Variants in AASDHPPT observed in about 807,000 individuals in gnomAD.
AASDHPPT encodes the protein L-aminoadipate-semialdehyde dehydrogenase-phosphopantetheinyl transferase.
In AASDHPPT, 23 loss-of-function variants were observed where a neutral mutation model predicts 36.4. The ratio of observed to expected loss-of-function variants is 0.63; its 90% confidence interval spans 0.45 to 0.89. The LOEUF (loss-of-function observed/expected upper bound fraction) is 0.89, where lower values mean the gene tolerates loss of function less well. AASDHPPT is among the 40% of genes least tolerant of loss of function. AASDHPPT has a pLI of 0.00. For synonymous variants in AASDHPPT, 115 were observed against 128.0 expected, an observed-to-expected ratio of 0.90 and a Z score of 0.68; for missense variants, 377 against 378.2, an observed-to-expected ratio of 1.00 and a Z score of 0.03.
chr11:106,094,377 A>C (rs983334835), intron 4 of AASDHPPT: 14 of 379,028 alleles, frequency 3.7e-5, no homozygotes, highest in African/African-American at 2.3e-4. Context: ...ATACATGTTG[A>C]AGTATTTAAG....
At chr11:106,079,417 G>C in intron 1 of AASDHPPT, 50 bp from the exon 2 acceptor site, 2 of 1,456,794 alleles carry the variant, frequency 1.4e-6, no homozygotes, top group Non-Finnish European at 1.9e-6. Context: ...CAGTGTGCTT[G>C]TATCTTTAGT....
rs1861187935 is a variant in AASDHPPT at position 106,085,365 on chromosome 11, TG to T, written c.410-5191del. Among the ~76,000 whole-genome samples, 2 of 152,198 alleles carry T rather than the reference TG, an allele frequency of 1.3e-5. 1 individual carries two copies. The highest frequency in any genetic ancestry group is 4.1e-4 in the South Asian group (2 of 4,832). On this transcript the variant is annotated intron_variant, in intron 2 of 5. Transcript: ENST00000278618. ...ATCTACCCGCCTCGGCCTCCCAAAG[TG>T]CTGGGATTACAGGCGTGAGCCACTG...
chr11:106,090,994 A>G (rs1861250161), intron 3 of AASDHPPT, among the ~76,000 whole-genome samples: 1 of 152,136 alleles, frequency 6.6e-6, no homozygotes, highest in East Asian at 1.9e-4. Context: ...AAACACTGAT[A>G]ATATATACTA....
intron 5 of AASDHPPT, among the ~76,000 whole-genome samples, chr11:106,096,131 A>C (rs1355428256): frequency 6.6e-6 from 1 of 152,174 alleles, no homozygotes; most frequent in Admixed American, 6.5e-5. Flanking sequence ...GAGACCAGTC[A>C]TATAAGTACT....
At chr11:106,090,529 A>G (rs1861244611) in intron 2 of AASDHPPT, 28 bp from the exon 3 acceptor site, 12 of 1,538,904 alleles carry the variant, frequency 7.8e-6, no homozygotes, top group Non-Finnish European at 1.0e-5. Context: ...TAGAACTGCT[A>G]TTTAATTTTT....
chr11:106,096,964 G>A lies in AASDHPPT; in HGVS notation c.*57G>A. On this transcript the variant is annotated 3_prime_UTR_variant, in exon 6 of 6. Transcript: ENST00000278618. The stretch of plus-strand genomic sequence containing the variant: ...CTGTTTGTGATCTTCCGTATTCACT[G>A]AAAAATAAATGCTTGTTTAGTATCA... 1.4e-6 allele frequency: 2 copies of A among 1,452,222 alleles called. No homozygotes were observed. Among genetic ancestry groups the A allele is most frequent in the Non-Finnish European group, 1.8e-6 (2 of 1,090,680 alleles). The allele number at this position is 1,452,222 out of a possible 1,614,324, so 90.0% of individuals were successfully genotyped here.
intron 2 of AASDHPPT, among the ~76,000 whole-genome samples, chr11:106,084,503 G>T (rs961060401): frequency 6.6e-6 from 1 of 152,080 alleles, no homozygotes; most frequent in Non-Finnish European, 1.5e-5. Flanking sequence ...TCTCCATGTT[G>T]CCTAGGCTAG....
chr11:106,091,564 A>C, intron 4 of AASDHPPT, 87 bp downstream of exon 4: 1 of 1,340,664 alleles, frequency 7.5e-7, no homozygotes, highest in Non-Finnish European at 1.0e-6. Context: ...CTAGTCACTG[A>C]ATTTGGACGC....
At chr11:106,090,906 AG>A (rs1861248824) in intron 3 of AASDHPPT, among the ~76,000 whole-genome samples, 1 of 151,962 alleles carries the variant, frequency 6.6e-6, no homozygotes, top group Non-Finnish European at 1.5e-5. Flanking sequence ...ACTTACTTAA[AG>A]CTAAAACAAA....
intron 3 of AASDHPPT, among the ~76,000 whole-genome samples, chr11:106,091,029 C>G (rs949401822): frequency 6.6e-6 from 1 of 151,974 alleles, no homozygotes; most frequent in African/African-American, 2.4e-5. Context: ...TTACTTCAAG[C>G]TCTAAGTTAG....
chr11:106,086,929 G>A (rs1172340913), intron 2 of AASDHPPT, among the ~76,000 whole-genome samples: 2 of 152,194 alleles, frequency 1.3e-5, no homozygotes, highest in African/African-American at 4.8e-5. Flanking sequence ...AAAATAAAAG[G>A]CTTCATGCTC....
At chr11:106,091,678 G>C (rs1222008958) in intron 4 of AASDHPPT, 2 of 482,998 alleles carry the variant, frequency 4.1e-6, no homozygotes, top group South Asian at 3.5e-5. Flanking sequence ...GAGTCATTGT[G>C]AGTTCAGTAC....
At chr11:106,091,225 G>A (rs61900616) in intron 3 of AASDHPPT, 91 bp from the exon 4 acceptor site, 23 of 1,086,218 alleles carry the variant, frequency 2.1e-5, no homozygotes, top group Non-Finnish European at 2.9e-5. Flanking sequence ...ATGTAGTATA[G>A]CATTGAAACT....
chr11:106,079,349 A>G, intron 1 of AASDHPPT, 118 bp from the exon 2 acceptor site: 2 of 835,748 alleles, frequency 2.4e-6, no homozygotes, highest in Non-Finnish European at 3.6e-6. Context: ...ATACTTAAGT[A>G]TTTTGAAAAG....
chr11:106,077,768 G>A lies in AASDHPPT; in HGVS notation c.58G>A (p.Ala20Thr), dbSNP rs1405692738. The stretch of plus-strand genomic sequence containing the variant: ...GCCATCCATGGAGGGCGTGCGCTGG[G>A]CCTTTTCCTGCGGCACTTGGCTGCC... ...LVPSMEGVRWAFSCGTWLPSR... is the reference protein window; with the variant it reads ...LVPSMEGVRWTFSCGTWLPSR... The change falls in exon 1 of 6, where the codon GCC (alanine) becomes ACC (threonine). Residue 20 changes from alanine (A) to threonine (T), a missense_variant. Coordinates refer to ENST00000278618, the MANE Select transcript of AASDHPPT (RefSeq NM_015423.3). 5 of 1,614,016 alleles carry A rather than the reference G, an allele frequency of 3.1e-6. No homozygotes were observed. In the Admixed American group the frequency reaches 5.0e-5, roughly 16 times the overall value.
At position 106,097,884 on chromosome 11, in the gene AASDHPPT, A is replaced by T. The variant is rs1861333200; in HGVS notation, c.*977A>T. On this transcript the variant is annotated 3_prime_UTR_variant, in exon 6 of 6. Transcript: ENST00000278618. ...CCTTCCCATAAGAAAGGTTTACCAT[A>T]ATTTACTCACTTTTTTCTGTGTTAG... 1 of 152,138 alleles carries T rather than the reference A, an allele frequency of 6.6e-6. No homozygotes were observed. The highest frequency in any genetic ancestry group is 2.1e-4 in the South Asian group (1 of 4,836). The allele number at this position is 152,138 out of a possible 1,614,324, so 9.4% of individuals were successfully genotyped here.
intron 5 of AASDHPPT, chr11:106,096,428 G>A (rs1861314020): frequency 5.4e-6 from 1 of 185,728 alleles, no homozygotes; most frequent in South Asian, 1.9e-4. Flanking sequence ...TAAAATTACA[G>A]ATTTTGATAT....
At chr11:106,084,429 G>C (rs979095750) in intron 2 of AASDHPPT, among the ~76,000 whole-genome samples, 1 of 152,004 alleles carries the variant, frequency 6.6e-6, no homozygotes, top group Admixed American at 6.6e-5. Flanking sequence ...AATTAGTTAG[G>C]TCTATATGAA....
rs771184832 is a variant in AASDHPPT, at chr11:106,091,305, C to G, written c.532-11C>G. 1 of 1,573,400 alleles carries G rather than the reference C, an allele frequency of 6.4e-7. No homozygotes were observed. The highest frequency in any genetic ancestry group is 8.6e-7 in the Non-Finnish European group (1 of 1,167,832). ...CCAAATTCTAAGAGAAAATGTCTTT[C>G]TGTATCTTAGGCACTTAAGGAAAGC... On this transcript the variant is annotated splice_polypyrimidine_tract_variant and intron_variant, in intron 3 of 5. Transcript: ENST00000278618.
Sources: gnomAD v4.1 joint callset for allele counts (sites outside exome capture counted in the v4.1 genomes callset) on GRCh38, gnomAD v4.1.1 for gene constraint, MANE v1.5 for transcripts, NCBI Gene and HGNC (gene_info 2026-07-23, HGNC 2026-07-21) for gene names.